The following GAD1 variants were observed in gnomAD, a reference collection of about 807,000 sequenced individuals.
GAD1 encodes the protein glutamate decarboxylase 1, also known as 67 kDa glutamic acid decarboxylase.
GAD1 carries 35 observed loss-of-function variants against 75.2 expected under a neutral mutation model. That is an observed-to-expected ratio of 0.47 (90% CI 0.36 to 0.62). The LOEUF is 0.62. GAD1 is among the 20% of genes least tolerant of loss of function. GAD1 has a pLI of 0.00. For missense variants in GAD1, 490 were observed against 758.5 expected (o/e 0.65, Z 4.16); for synonymous variants, 257 against 271.9 (o/e 0.95, Z 0.54).
intron 12 of GAD1, among the ~76,000 whole-genome samples, chr2:170,849,691 A>G (rs902970395): frequency 2.6e-5 from 4 of 152,090 alleles, no homozygotes; most frequent in African/African-American, 9.7e-5. Flanking sequence ...TCTAATAGCT[A>G]TCAATCAATC....
chr2:170,817,905 G>A (rs889002765), intron 1 of GAD1: 1 of 152,652 alleles, frequency 6.6e-6, no homozygotes, highest in African/African-American at 2.4e-5. Flanking sequence ...CAAGGTGACT[G>A]TGGTTCTTCT....
At chr2:170,821,996 C>T (rs1701893623) in intron 2 of GAD1, 91 bp from the exon 3 acceptor site, 1 of 1,109,080 alleles carries the variant, frequency 9.0e-7, no homozygotes, top group African/African-American at 1.5e-5. Context: ...GCAAAGTCCT[C>T]ATCCTCCCCC....
intron 4 of GAD1, 47 bp from the exon 5 acceptor site, chr2:170,830,903 C>A: frequency 6.2e-7 from 1 of 1,613,670 alleles, no homozygotes; most frequent in Non-Finnish European, 8.5e-7. Context: ...CTGAAGAAAT[C>A]TAGATATGAG....
intron 10 of GAD1, among the ~76,000 whole-genome samples, chr2:170,846,755 C>G (rs1702640858): frequency 6.6e-6 from 1 of 152,198 alleles, no homozygotes; most frequent in South Asian, 2.1e-4. Flanking sequence ...CCTGTAATCC[C>G]AGCACTTTGG....
chr2:170,841,602 G>C (rs1421771873), intron 6 of GAD1, among the ~76,000 whole-genome samples: 1 of 152,140 alleles, frequency 6.6e-6, no homozygotes, highest in East Asian at 1.9e-4. Context: ...TGAACTACAA[G>C]GCCTTCTTTA....
chr2:170,831,622 G>A (rs1429712522), intron 5 of GAD1, among the ~76,000 whole-genome samples: 4 of 143,940 alleles, frequency 2.8e-5, no homozygotes, highest in Non-Finnish European at 6.0e-5. Flanking sequence ...GTGTGTGTGT[G>A]TGTGTGTGTG....
chr2:170,831,328 C>G, intron 5 of GAD1, 136 bp downstream of exon 5: 1 of 990,668 alleles, frequency 1.0e-6, no homozygotes, highest in Non-Finnish European at 1.6e-6. Flanking sequence ...TACCCAGTGA[C>G]CACAAGAACA....
intron 16 of GAD1, 89 bp downstream of exon 16, chr2:170,858,982 G>T: frequency 8.5e-7 from 1 of 1,172,864 alleles, no homozygotes; most frequent in Non-Finnish European, 1.3e-6. Flanking sequence ...TTCTAGTGGG[G>T]GAAATATAAA....
Position 170,818,638 on chromosome 2 carries a change from G to C in GAD1, c.47G>C (p.Gly16Ala). 1 of 1,614,112 alleles carries C rather than the reference G, an allele frequency of 6.2e-7. No homozygotes were observed. Among genetic ancestry groups the C allele is most frequent in the Non-Finnish European group, 8.5e-7 (1 of 1,180,022 alleles). ...PSSSATSSNA[G>A]ADPNTTNLRP... ...TCGTCCGCAACCTCCTCGAACGCGG[G>C]AGCGGACCCCAATACCACTAACCTG... Residue 16 changes from glycine (G) to alanine (A), a missense_variant, in exon 2 of 17, where the codon GGA becomes GCA. Around this residue, in one of 3 missense-constraint regions of GAD1, gnomAD observed 165 missense variants for 216.4 expected, o/e 0.76. Coordinates refer to ENST00000358196, the MANE Select transcript of GAD1 (RefSeq NM_000817.3). The surrounding 1 kb of genome is among the most constrained non-coding windows in gnomAD (Gnocchi z 5.9).
chr2:170,823,531 G>A (rs907403928), intron 3 of GAD1, among the ~76,000 whole-genome samples: 1 of 152,110 alleles, frequency 6.6e-6, no homozygotes, highest in African/African-American at 2.4e-5. Flanking sequence ...GGCGGCCTGG[G>A]AGTTTGGCCT....
At chr2:170,829,450 C>T in intron 3 of GAD1, 25 bp from the exon 4 acceptor site, 1 of 1,612,086 alleles carries the variant, frequency 6.2e-7, no homozygotes, top group Non-Finnish European at 8.5e-7. Flanking sequence ...GCAGCACTCT[C>T]TCTGACCAGC....
chr2:170,821,806 G>A (rs1039515986), intron 2 of GAD1: 5 of 492,178 alleles, frequency 1.0e-5, no homozygotes, highest in South Asian at 6.4e-5. Flanking sequence ...CGGAGCTGCC[G>A]GGCGGGGGTC....
intron 3 of GAD1, among the ~76,000 whole-genome samples, chr2:170,826,289 G>A (rs13000989): frequency 0.35 from 53,346 of 151,822 alleles, 10,385 homozygotes; most frequent in Non-Finnish European, 0.44. Flanking sequence ...TCGTAGGGCC[G>A]GGCGCAGTGG....
At position 170,847,721 on chromosome 2, in the gene GAD1, T is replaced by C. The variant is rs1702663282; in HGVS notation, c.1048T>C (p.Tyr350His). Residue 350 changes from tyrosine (Y) to histidine (H), a missense_variant, in exon 11 of 17, where the codon TAT becomes CAT. Around this residue, in one of 3 missense-constraint regions of GAD1, gnomAD observed 324 missense variants for 523.9 expected, o/e 0.62. Transcript: ENST00000358196. Reference sequence around the variant, plus strand: ...CAATGCAACTGCTGGCACGACTGTTTATGGAGCTTTTGATCCGATACAAGA... The same window carrying C: ...CAATGCAACTGCTGGCACGACTGTTCATGGAGCTTTTGATCCGATACAAGA... The part of the protein sequence containing the change: ...YVNATAGTTV[Y>H]GAFDPIQEIA... 1.2e-6 allele frequency: 2 copies of C among 1,614,082 alleles called. No individual in the cohort carries two copies. The highest frequency in any genetic ancestry group is 1.7e-6 in the Non-Finnish European group (2 of 1,180,008).
At chr2:170,829,111 T>C (rs184059582) in intron 3 of GAD1, 1 of 362,380 alleles carries the variant, frequency 2.8e-6, no homozygotes, top group Non-Finnish European at 5.3e-6. Context: ...TAAACAGTGC[T>C]GGCAGCATCT....
intron 14 of GAD1, 43 bp from the exon 15 acceptor site, chr2:170,856,975 C>T: frequency 1.3e-6 from 2 of 1,497,280 alleles, no homozygotes; most frequent in Admixed American, 3.3e-5. Context: ...ATGCTCATCA[C>T]AGGGAAATGC....
At position 170,818,058 on chromosome 2, in the gene GAD1, GA is replaced by G. The variant is rs1701757192; in HGVS notation, c.-63-469del. 1 of 162,366 alleles carries G rather than the reference GA, an allele frequency of 6.2e-6. No individual in the cohort carries two copies. Among genetic ancestry groups the G allele is most frequent in the African/African-American group, 2.4e-5 (1 of 41,582 alleles). 10.1% of individuals were successfully genotyped at this position (162,366 alleles called of 1,614,324 possible). A position where few individuals can be genotyped will look rare whatever the true frequency, so the allele number is the denominator to read the frequency against. ...GACACAACAACGGGAACCAGACACC[GA>G]ACCAGACATGCCCGCCCCGTGCGCC... On this transcript the variant is annotated intron_variant, in intron 1 of 16. Coordinates refer to ENST00000358196, the MANE Select transcript of GAD1 (RefSeq NM_000817.3). The surrounding 1 kb of genome is among the most constrained non-coding windows in gnomAD (Gnocchi z 5.9).
At chr2:170,826,501 G>T (rs557593280) in intron 3 of GAD1, among the ~76,000 whole-genome samples, 68 of 151,340 alleles carry the variant, frequency 4.5e-4, no homozygotes, top group Non-Finnish European at 8.4e-4. Flanking sequence ...TTGGGAGCTG[G>T]AGGTTGTGGT....
intron 3 of GAD1, chr2:170,829,239 A>T: frequency 1.8e-6 from 1 of 564,796 alleles, no homozygotes; most frequent in Non-Finnish European, 3.2e-6. Flanking sequence ...AACGGGCTTC[A>T]CTTACTGTTT....
Sources: gnomAD v4.1 joint callset for allele counts (sites outside exome capture counted in the v4.1 genomes callset) on GRCh38, gnomAD v4.1.1 for gene constraint, gnomAD v4.1.1 regional missense constraint, Gnocchi (gnomAD v3.1) non-coding constraint, MANE v1.5 for transcripts, NCBI Gene and HGNC (gene_info 2026-07-23, HGNC 2026-07-21) for gene names.